Variants in HIVEP3 observed in about 807,000 individuals in gnomAD.
HIVEP3 encodes the protein HIVEP zinc finger 3.
A neutral mutation model predicts 152.8 loss-of-function variants in HIVEP3; 49 were observed. That is an observed-to-expected ratio of 0.32 (90% CI 0.26 to 0.41). The LOEUF is 0.41. Among genes scored for constraint, HIVEP3 ranks in the 10% least tolerant of loss-of-function variants. The pLI, the probability that HIVEP3 is intolerant of heterozygous loss-of-function variation, is 1.00. For synonymous variants in HIVEP3, 1,269 were observed against 1,289.0 expected (o/e 0.98, Z 0.33); for missense variants, 2,790 against 3,103.3 (o/e 0.90, Z 2.40).
intron 5 of HIVEP3, among the ~76,000 whole-genome samples, chr1:41,544,699 T>C (rs780558587): frequency 5.3e-4 from 53 of 99,890 alleles, no homozygotes; most frequent in African/African-American, 9.2e-4. Context: ...ACTGCTACCA[T>C]CACCACCACC....
chr1:41,724,622 C>T (rs773834444), intron 1 of HIVEP3, among the ~76,000 whole-genome samples: 3 of 152,170 alleles, frequency 2.0e-5, no homozygotes, highest in Non-Finnish European at 4.4e-5. Flanking sequence ...TGAGCTGATG[C>T]ACGGGTAATG....
intron 1 of HIVEP3, among the ~76,000 whole-genome samples, chr1:41,893,973 T>TGCAGTG (rs1644490893): frequency 6.6e-6 from 1 of 150,826 alleles, no homozygotes; most frequent in African/African-American, 2.4e-5. Flanking sequence ...CAGGCCAGAG[T>TGCAGTG]GCAGTGGCAT....
chr1:41,862,869 T>C (rs1340104113), intron 1 of HIVEP3, among the ~76,000 whole-genome samples: 3 of 152,194 alleles, frequency 2.0e-5, no homozygotes, highest in Non-Finnish European at 2.9e-5. Flanking sequence ...ACTTGGCAGA[T>C]ATAGACGGAA....
intron 1 of HIVEP3, among the ~76,000 whole-genome samples, chr1:41,808,179 T>C (rs1650744900): frequency 6.6e-6 from 1 of 152,122 alleles, no homozygotes; most frequent in South Asian, 2.1e-4. Flanking sequence ...CCCAAAGAGG[T>C]TGACTCACTT....
chr1:41,953,557 A>G (rs1645122242), intron 1 of HIVEP3, among the ~76,000 whole-genome samples: 1 of 152,214 alleles, frequency 6.6e-6, no homozygotes, highest in Non-Finnish European at 1.5e-5. Flanking sequence ...TGCACATCCC[A>G]TAAGAAAGAT....
chr1:41,580,295 G>T lies in HIVEP3; in HGVS notation c.4503C>A (p.Ser1501Arg). 5.0e-6 allele frequency: 8 copies of T among 1,614,148 alleles called. No homozygotes were observed. Among genetic ancestry groups the T allele is most frequent in the Non-Finnish European group, 6.8e-6 (8 of 1,180,006 alleles). Residue 1501 changes from serine to arginine, a missense_variant, in exon 4 of 9, where the codon AGC becomes AGA. Transcript: ENST00000372583. ...TTGTGTCAGATGGATCTGAGGACAG[G>T]CTGGACAGCATTTCTAGCTCCCTCC... The part of the protein sequence containing the change: ...QGRRELEMLS[S>R]LSSDPSDTKE...
intron 1 of HIVEP3, among the ~76,000 whole-genome samples, chr1:41,741,520 A>AC (rs1241041229): frequency 6.6e-6 from 1 of 152,078 alleles, no homozygotes; most frequent in Non-Finnish European, 1.5e-5. Flanking sequence ...GTGGAAACAA[A>AC]CCCAGGTTCC....
At chr1:41,651,561 C>T (rs1645550014) in intron 2 of HIVEP3, among the ~76,000 whole-genome samples, 1 of 151,896 alleles carries the variant, frequency 6.6e-6, no homozygotes, top group African/African-American at 2.4e-5. Flanking sequence ...CTTACATATA[C>T]AGGAGGATGT....
chr1:41,525,985 C>T (rs1406814342), intron 5 of HIVEP3, among the ~76,000 whole-genome samples: 4 of 133,780 alleles, frequency 3.0e-5, no homozygotes, highest in Admixed American at 2.2e-4. Context: ...CACCTTCCAA[C>T]GCCAGCCAGA....
intron 1 of HIVEP3, among the ~76,000 whole-genome samples, chr1:42,023,173 A>AT (rs970420787): frequency 4.0e-5 from 6 of 151,854 alleles, no homozygotes; most frequent in East Asian, 1.9e-4. Flanking sequence ...CACCTGGCTA[A>AT]TTTTTTTATT....
chr1:41,974,239 C>T (rs945721707), intron 1 of HIVEP3, among the ~76,000 whole-genome samples: 5 of 151,948 alleles, frequency 3.3e-5, no homozygotes, highest in African/African-American at 1.2e-4. Flanking sequence ...GGAATTTAGA[C>T]CTGGAGGGGA....
At chr1:41,692,696 C>T (rs537939302) in intron 2 of HIVEP3, among the ~76,000 whole-genome samples, 17 of 152,272 alleles carry the variant, frequency 1.1e-4, no homozygotes, top group South Asian at 6.2e-4. Context: ...TATGGATGTA[C>T]GCTTCTGTGC....
intron 1 of HIVEP3, among the ~76,000 whole-genome samples, chr1:41,924,274 T>C (rs1644956794): frequency 6.6e-6 from 1 of 152,158 alleles, no homozygotes. Context: ...GGAGGGAGCA[T>C]AGCCCTATCA....
chr1:41,726,107 T>C (rs1351549442), intron 1 of HIVEP3, among the ~76,000 whole-genome samples: 1 of 152,202 alleles, frequency 6.6e-6, no homozygotes, highest in African/African-American at 2.4e-5. Flanking sequence ...TTGAGTATAT[T>C]AACTAAATAT....
rs185530505 is a variant in HIVEP3 at position 41,947,192 on chromosome 1, G to A, written n.120-28668C>T. On this transcript the variant is annotated intron_variant and non_coding_transcript_variant, in intron 1 of 3. Transcript: ENST00000489103. ...AGGAATTAGCCCAAGACTTGAGCCA[G>A]TTCTCATACCTGGACACTCTTGTCC... is the stretch of plus-strand genomic sequence containing the variant. 3.9e-5 allele frequency among the ~76,000 whole-genome samples: 6 copies of A among 152,306 alleles called. No homozygotes were observed. In the East Asian group the frequency reaches 1.2e-3, roughly 29 times the overall value.
At chr1:41,937,041 A>C (rs1313604157) in intron 1 of HIVEP3, among the ~76,000 whole-genome samples, 1 of 152,170 alleles carries the variant, frequency 6.6e-6, no homozygotes, top group East Asian at 1.9e-4. Flanking sequence ...TAAACTAAAA[A>C]CTGAAATTTA....
At chr1:41,782,655 C>T (rs966698230) in intron 1 of HIVEP3, among the ~76,000 whole-genome samples, 28 of 148,070 alleles carry the variant, frequency 1.9e-4, no homozygotes, top group African/African-American at 6.1e-4. Flanking sequence ...TCACTTGAAC[C>T]GGGGAGGTGG....
Position 41,581,546 on chromosome 1 carries a change from T to C in HIVEP3, c.3252A>G (p.Ser1084=). 6.3e-7 allele frequency: 1 copy of C among 1,599,458 alleles called. No homozygotes were observed. Among genetic ancestry groups the C allele is most frequent in the Non-Finnish European group, 8.5e-7 (1 of 1,171,826 alleles). ...TGGCCGCAGAGGAAATCTGGGACAA[T>C]GAGCTTTTGGCAGAGGGTTTACTGG... ...PSSSKPSAKS[S]LSQISSAATS... The change falls in exon 4 of 9, where the codon TCA becomes TCG. Residue 1084 remains serine, a synonymous_variant. Transcript: ENST00000372583. This position sits in a 1 kb window ranked among gnomAD's most constrained non-coding sequence, Gnocchi z 4.5.
intron 1 of HIVEP3, among the ~76,000 whole-genome samples, chr1:41,887,491 T>A (rs1644365452): frequency 6.6e-6 from 1 of 152,214 alleles, no homozygotes; most frequent in Admixed American, 6.5e-5. Context: ...GACCCAGGAC[T>A]AGAGAACTTG....
Sources: gnomAD v4.1 joint callset for allele counts (sites outside exome capture counted in the v4.1 genomes callset) on GRCh38, gnomAD v4.1.1 for gene constraint, Gnocchi (gnomAD v3.1) non-coding constraint, MANE v1.5 for transcripts, NCBI Gene and HGNC (gene_info 2026-07-23, HGNC 2026-07-21) for gene names.